The following TAB3 variants were observed in gnomAD, a reference collection of about 807,000 sequenced individuals.
The protein encoded by TAB3 is TGF-beta activated kinase 1 (MAP3K7) binding protein 3.
TAB3 carries 18 observed loss-of-function variants against 48.1 expected under a neutral mutation model. The ratio of observed to expected loss-of-function variants is 0.37; its 90% CI spans 0.26 to 0.55. The LOEUF (loss-of-function observed/expected upper bound fraction) is 0.55, where lower values mean the gene tolerates loss of function less well. Ranked by LOEUF, TAB3 falls within the 20% of genes least tolerant of loss-of-function variation. The pLI, the probability that TAB3 is intolerant of heterozygous loss-of-function variation, is 0.78. For missense variants in TAB3, 414 were observed against 549.8 expected (o/e 0.75, Z 2.47); for synonymous variants, 185 against 190.2 (o/e 0.97, Z 0.22).
intron 1 of TAB3, among the ~76,000 whole-genome samples, chrX:30,879,647 T>C (rs961473680): frequency 1.2e-4 from 13 of 111,633 alleles, no homozygotes; most frequent in Non-Finnish European, 2.3e-4. Context: ...TCATATTTAA[T>C]GGAGAAATGT....
chrX:30,886,724 C>T (rs1940141399), intron 1 of TAB3, among the ~76,000 whole-genome samples: 2 of 112,736 alleles, frequency 1.8e-5, no homozygotes, highest in African/African-American at 3.2e-5. Flanking sequence ...TGGAGGATGA[C>T]TACCAGACAT....
At chrX:30,851,361 CATGCTT>C (rs1288924763) in intron 7 of TAB3, among the ~76,000 whole-genome samples, 1 of 111,672 alleles carries the variant, frequency 9.0e-6, no homozygotes, top group Non-Finnish European at 1.9e-5. Context: ...TCAGAAATCT[CATGCTT>C]ATGCCAGGGA....
chrX:30,848,964 G>A, intron 7 of TAB3, among the ~76,000 whole-genome samples: 1 of 110,856 alleles, frequency 9.0e-6, no homozygotes, highest in South Asian at 3.8e-4. Flanking sequence ...GTAATTGGCA[G>A]CTTTCTGCAT....
intron 7 of TAB3, among the ~76,000 whole-genome samples, chrX:30,849,759 C>T (rs1188461500): frequency 8.9e-6 from 1 of 111,933 alleles, no homozygotes; most frequent in African/African-American, 3.2e-5. Flanking sequence ...CTCAAATGAG[C>T]CTTGATGAGC....
intron 1 of TAB3, among the ~76,000 whole-genome samples, chrX:30,886,561 T>C (rs1940136057): frequency 8.9e-6 from 1 of 111,999 alleles, no homozygotes; most frequent in Non-Finnish European, 1.9e-5. Context: ...GACTCCTTTT[T>C]CTGTTTCCAT....
At chrX:30,837,575 T>G (rs1296653216) in intron 9 of TAB3, among the ~76,000 whole-genome samples, 11 of 112,218 alleles carry the variant, frequency 9.8e-5, no homozygotes, top group Non-Finnish European at 1.5e-4. Flanking sequence ...ATTCTTTATA[T>G]ACTCTGGATA....
In TAB3 at chrX:30,839,411, G is replaced by A. The variant is rs759042828; in HGVS notation, c.1888+3555C>T. On this transcript the variant is annotated intron_variant, in intron 9 of 10. Transcript: ENST00000288422. ...CTATAAGTCAATGAGATAGAAAACAGAATTATGGATTTTTTGTTTCTATGT... is the reference window on the plus strand; with the variant it reads ...CTATAAGTCAATGAGATAGAAAACAAAATTATGGATTTTTTGTTTCTATGT... Among the ~76,000 whole-genome samples, 3 of 111,765 alleles carry A rather than the reference G, an allele frequency of 2.7e-5. No individual in the cohort carries two copies. In the East Asian group the frequency reaches 8.4e-4, roughly 31 times the overall value.
chrX:30,843,627 AGGAGAATCTTACAC>A (rs1938526347), intron 8 of TAB3: 1 of 112,321 alleles, frequency 8.9e-6, no homozygotes, highest in Non-Finnish European at 1.9e-5. Context: ...TTTCAAGAAA[AGGAGAATCTTACAC>A]TAAGTGTTAA....
chrX:30,853,273 A>C (rs1786527047), intron 6 of TAB3, among the ~76,000 whole-genome samples: 1 of 112,683 alleles, frequency 8.9e-6, no homozygotes, highest in Non-Finnish European at 1.9e-5. Flanking sequence ...GTTATCTTGA[A>C]ACAATCTGAA....
At chrX:30,863,715 T>C (rs1238091869) in intron 4 of TAB3, among the ~76,000 whole-genome samples, 1 of 112,515 alleles carries the variant, frequency 8.9e-6, no homozygotes, top group African/African-American at 3.2e-5. Flanking sequence ...TTATGCAGCC[T>C]GTAGAATCCT....
At chrX:30,856,140 T>C (rs1939062957) in intron 5 of TAB3, among the ~76,000 whole-genome samples, 1 of 111,906 alleles carries the variant, frequency 8.9e-6, no homozygotes. Context: ...TAACTTCAAC[T>C]GTCTGAACCA....
chrX:30,845,308 C>T (rs1270196583), intron 8 of TAB3: 1 of 112,276 alleles, frequency 8.9e-6, no homozygotes, highest in Non-Finnish European at 1.9e-5. Context: ...TAACAAAACA[C>T]TTGTATATAG....
At chrX:30,848,563 A>G (rs1441459004) in intron 7 of TAB3, among the ~76,000 whole-genome samples, 1 of 111,210 alleles carries the variant, frequency 9.0e-6, no homozygotes, top group Non-Finnish European at 1.9e-5. Context: ...TCATTTCCAA[A>G]GATAGTAGAA....
At chrX:30,842,452 C>T (rs770564699) in intron 9 of TAB3, among the ~76,000 whole-genome samples, 1 of 111,926 alleles carries the variant, frequency 8.9e-6, no homozygotes, top group Admixed American at 9.5e-5. Flanking sequence ...ATAATGTTAA[C>T]TATGTAATAT....
In TAB3 at chrX:30,854,956, G is replaced by A. The variant is rs774542649; in HGVS notation, c.709C>T (p.Gln237Ter). 8.3e-7 allele frequency: 1 copy of A among 1,208,992 alleles called. No homozygotes were observed. Among genetic ancestry groups the A allele is most frequent in the Non-Finnish European group, 1.1e-6 (1 of 893,870 alleles). Residue 237 changes from glutamine (Q) to a stop codon, truncating the protein, a stop_gained, in exon 6 of 11, where the codon CAG becomes TAG. Transcript: ENST00000288422. LOFTEE classifies it high-confidence loss of function. ...PGSIYIRQTS[Q>*]SSSGRQTPQS... ...GGAGTTTGTCTTCCTGATGAACTCT[G>A]AGATGTCTGTCTAATATAAATAGAA...
intron 9 of TAB3, among the ~76,000 whole-genome samples, chrX:30,840,863 C>A (rs1265083463): frequency 8.9e-6 from 1 of 111,898 alleles, no homozygotes; most frequent in East Asian, 2.8e-4. Flanking sequence ...TAAAAACTTT[C>A]CAATGCACTC....
At chrX:30,833,065 G>T (rs924577598) in intron 10 of TAB3, among the ~76,000 whole-genome samples, 3 of 105,404 alleles carry the variant, frequency 2.8e-5, no homozygotes, top group African/African-American at 1.1e-4. Flanking sequence ...CCGCCTCCTG[G>T]GTTCACGCCA....
chrX:30,877,884 C>T (rs1939883509), intron 1 of TAB3, among the ~76,000 whole-genome samples: 1 of 111,537 alleles, frequency 9.0e-6, no homozygotes, highest in African/African-American at 3.3e-5. Context: ...CCATCTAAAA[C>T]ATAAGAATAC....
At chrX:30,857,376 C>T (rs1939108832) in intron 5 of TAB3, among the ~76,000 whole-genome samples, 1 of 109,797 alleles carries the variant, frequency 9.1e-6, no homozygotes, top group African/African-American at 3.3e-5. Flanking sequence ...TGATTGCCAA[C>T]TAGAATGTGT....
Sources: gnomAD v4.1 joint callset for allele counts (sites outside exome capture counted in the v4.1 genomes callset) on GRCh38, gnomAD v4.1.1 for gene constraint, MANE v1.5 for transcripts, NCBI Gene and HGNC (gene_info 2026-07-23, HGNC 2026-07-21) for gene names.